Variants in FAF1 observed in about 807,000 individuals in gnomAD.
FAF1 encodes FAS-associated factor 1.
FAF1 carries 25 observed loss-of-function variants against 92.5 expected under a neutral mutation model. The ratio of observed to expected loss-of-function variants is 0.27; its 90% CI spans 0.20 to 0.38. The LOEUF (loss-of-function observed/expected upper bound fraction) is 0.38, where lower values mean the gene tolerates loss of function less well. Among genes scored for constraint, FAF1 ranks in the 10% least tolerant of loss-of-function variants. The pLI is 1.00. For synonymous variants in FAF1, 234 were observed against 273.2 expected, an observed-to-expected ratio of 0.86 and a Z score of 1.42; for missense variants, 636 against 793.3, an observed-to-expected ratio of 0.80 and a Z score of 2.38.
chr1:50,541,902 T>A (rs1181501440), intron 13 of FAF1, among the ~76,000 whole-genome samples: 1 of 152,152 alleles, frequency 6.6e-6, no homozygotes, highest in Non-Finnish European at 1.5e-5. Context: ...ATAAAATAAT[T>A]ATGAAAATGT....
At chr1:50,573,147 C>G (rs1046937076) in intron 12 of FAF1, among the ~76,000 whole-genome samples, 2 of 151,510 alleles carry the variant, frequency 1.3e-5, no homozygotes, top group African/African-American at 4.9e-5. Context: ...GCTCTGTTGC[C>G]CAGGCTGATG....
intron 6 of FAF1, among the ~76,000 whole-genome samples, chr1:50,724,087 A>G (rs1321615552): frequency 6.6e-6 from 1 of 152,086 alleles, no homozygotes; most frequent in African/African-American, 2.4e-5. Context: ...AAATTAGCCA[A>G]GCATGATGGC....
chr1:50,916,133 AAGAC>A (rs1557588027), intron 1 of FAF1, among the ~76,000 whole-genome samples: 1 of 152,212 alleles, frequency 6.6e-6, no homozygotes, highest in Non-Finnish European at 1.5e-5. Context: ...TAGCACATGA[AAGAC>A]AGACAAAAAC....
rs755424291 is a variant in FAF1, at chr1:50,874,758, C to CTTTTTTT, written c.46-16768_46-16762dup. On this transcript the variant is annotated intron_variant, in intron 1 of 18. Transcript: ENST00000396153. ...TTCTCCATCTTATTTTCTTTTCTTT[C>CTTTTTTT]TTTTTTTTTTTTTTTTTTTTTTTTT... 9.4e-4 allele frequency among the ~76,000 whole-genome samples: 63 copies of CTTTTTTT among 67,268 alleles called. 1 individual carries two copies. Among genetic ancestry groups the CTTTTTTT allele is most frequent in the Non-Finnish European group, 1.2e-3 (44 of 36,420 alleles). 44.1% of individuals were successfully genotyped at this position (67,268 alleles called of 152,430 possible).
At chr1:50,624,077 G>C (rs1176223237) in intron 8 of FAF1, among the ~76,000 whole-genome samples, 1 of 152,214 alleles carries the variant, frequency 6.6e-6, no homozygotes, top group Non-Finnish European at 1.5e-5. Flanking sequence ...TGCTAGTGTT[G>C]CCACTAGAAA....
intron 3 of FAF1, among the ~76,000 whole-genome samples, chr1:50,793,016 G>A (rs149656943): frequency 1.4e-3 from 213 of 151,880 alleles, no homozygotes; most frequent in African/African-American, 4.8e-3. Context: ...TTTTTATGGC[G>A]GAGTCTCGAA....
At chr1:50,905,022 G>A (rs1235959849) in intron 1 of FAF1, among the ~76,000 whole-genome samples, 3 of 151,872 alleles carry the variant, frequency 2.0e-5, no homozygotes, top group Non-Finnish European at 4.4e-5. Flanking sequence ...ATCTCCTAAT[G>A]CTATCCCAAC....
At chr1:50,730,827 T>C (rs1394754792) in intron 6 of FAF1, among the ~76,000 whole-genome samples, 2 of 152,198 alleles carry the variant, frequency 1.3e-5, no homozygotes, top group African/African-American at 4.8e-5. Context: ...CTTATATATA[T>C]TGCTAGTTGC....
At chr1:50,731,973 T>C (rs1658942627) in intron 6 of FAF1, among the ~76,000 whole-genome samples, 2 of 152,158 alleles carry the variant, frequency 1.3e-5, no homozygotes. Flanking sequence ...TGTGTTCTAC[T>C]ACATGGTCAG....
At chr1:50,855,170 T>C (rs1470202801) in intron 2 of FAF1, among the ~76,000 whole-genome samples, 2 of 151,892 alleles carry the variant, frequency 1.3e-5, no homozygotes, top group Non-Finnish European at 2.9e-5. Flanking sequence ...TTGACCTGTG[T>C]AATACACACA....
chr1:50,460,766 G>A (rs1646417205), intron 18 of FAF1, among the ~76,000 whole-genome samples: 1 of 150,728 alleles, frequency 6.6e-6, no homozygotes, highest in Non-Finnish European at 1.5e-5. Flanking sequence ...CAAGTATCTG[G>A]AACTACAGGA....
chr1:50,933,126 T>C (rs1645061417), intron 1 of FAF1, among the ~76,000 whole-genome samples: 1 of 152,202 alleles, frequency 6.6e-6, no homozygotes, highest in Non-Finnish European at 1.5e-5. Flanking sequence ...TGACATGACC[T>C]GGAGACATTT....
At chr1:50,665,682 G>A (rs1418604549) in intron 7 of FAF1, among the ~76,000 whole-genome samples, 3 of 151,986 alleles carry the variant, frequency 2.0e-5, no homozygotes, top group African/African-American at 7.2e-5. Context: ...AGACTGCATG[G>A]CCTAAAAAGC....
chr1:50,691,308 T>C (rs997531927), intron 7 of FAF1, among the ~76,000 whole-genome samples: 20 of 152,058 alleles, frequency 1.3e-4, no homozygotes, highest in African/African-American at 4.3e-4. Context: ...AGTGGCACGA[T>C]CTCAGCTCAC....
At chr1:50,836,528 TC>T (rs1644207145) in intron 2 of FAF1, among the ~76,000 whole-genome samples, 2 of 152,148 alleles carry the variant, frequency 1.3e-5, no homozygotes, top group Non-Finnish European at 2.9e-5. Context: ...GGAGATTTTG[TC>T]CCCAGCTTTT....
At chr1:50,738,502 C>G (rs898699472) in intron 6 of FAF1, among the ~76,000 whole-genome samples, 1 of 151,154 alleles carries the variant, frequency 6.6e-6, no homozygotes, top group African/African-American at 2.4e-5. Context: ...CTGCAGAGCT[C>G]AATGAATTTT....
At chr1:50,650,907 T>G (rs548061251) in intron 8 of FAF1, among the ~76,000 whole-genome samples, 2 of 152,334 alleles carry the variant, frequency 1.3e-5, no homozygotes, top group South Asian at 4.1e-4. Context: ...TAGATACCTA[T>G]TTCCCTGATC....
At chr1:50,936,994 C>A (rs1430925926) in intron 1 of FAF1, among the ~76,000 whole-genome samples, 1 of 151,878 alleles carries the variant, frequency 6.6e-6, no homozygotes, top group Admixed American at 6.6e-5. Flanking sequence ...GGAGCAAATT[C>A]CTACAGAGAA....
Position 50,620,438 on chromosome 1 carries a change from A to G in FAF1, c.745-24222T>C, listed in dbSNP as rs556736254. ...AGTTTGGTTCTTTCTTAAAATGACT[A>G]TTTCATCTTTCAGCTCTTGGATCAT... On this transcript the variant is annotated intron_variant, in intron 8 of 18. Coordinates refer to ENST00000396153, the MANE Select transcript of FAF1 (RefSeq NM_007051.3). 6.6e-4 allele frequency among the ~76,000 whole-genome samples: 101 copies of G among 152,264 alleles called. No individual in the cohort carries two copies. The Middle Eastern group carries it at 0.017, about 26-fold the overall frequency.
Sources: gnomAD v4.1 joint callset for allele counts (sites outside exome capture counted in the v4.1 genomes callset) on GRCh38, gnomAD v4.1.1 for gene constraint, MANE v1.5 for transcripts, NCBI Gene and HGNC (gene_info 2026-07-23, HGNC 2026-07-21) for gene names.